SEMA6D: variants seen among roughly 807,000 people sequenced by gnomAD.
SEMA6D encodes the protein semaphorin 6D.
SEMA6D carries 35 observed loss-of-function variants against 106.6 expected under a neutral mutation model. The ratio of observed to expected loss-of-function variants is 0.33; its 90% confidence interval spans 0.25 to 0.44. SEMA6D has a LOEUF of 0.44. SEMA6D is among the 20% of genes least tolerant of loss of function. The pLI is 1.00. For missense variants in SEMA6D, 1,185 were observed against 1,345.9 expected (o/e 0.88, Z 1.87); for synonymous variants, 499 against 487.7 (o/e 1.02, Z -0.31).
chr15:47,772,013 CT>C lies in SEMA6D; in HGVS notation c.*232del, dbSNP rs2082650607. Reference sequence around the variant, plus strand: ...AAGGAAGGTGCTGGTCATTCCATTTCTTTTGTTTGAAGCTAAAGAGATGTGT... The same window carrying C: ...AAGGAAGGTGCTGGTCATTCCATTTCTTTGTTTGAAGCTAAAGAGATGTGT... On this transcript the variant is annotated 3_prime_UTR_variant, in exon 19 of 19. Transcript: ENST00000536845. 1 of 534,708 alleles carries C rather than the reference CT, an allele frequency of 1.9e-6. No homozygotes were observed. The highest frequency in any genetic ancestry group is 3.2e-5 in the Admixed American group (1 of 31,456). The allele number at this position is 534,708 out of a possible 1,614,324, so 33.1% of individuals were successfully genotyped here.
At chr15:47,292,294 T>G (rs2035621911) in intron 1 of SEMA6D, among the ~76,000 whole-genome samples, 1 of 152,128 alleles carries the variant, frequency 6.6e-6, no homozygotes, top group African/African-American at 2.4e-5. Flanking sequence ...AAAAGAAACC[T>G]GTAAATGTGA....
chr15:47,254,353 A>ATAT (rs1555411061), intron 1 of SEMA6D, among the ~76,000 whole-genome samples: 1 of 147,672 alleles, frequency 6.8e-6, no homozygotes, highest in Non-Finnish European at 1.5e-5. Context: ...ATATATATAT[A>ATAT]AATGATTGTG....
intron 2 of SEMA6D, among the ~76,000 whole-genome samples, chr15:47,460,793 C>T (rs749137435): frequency 4.4e-4 from 67 of 152,068 alleles, no homozygotes; most frequent in Non-Finnish European, 9.3e-4. Context: ...ATTTGGTAAA[C>T]GTTGCTTATA....
At chr15:47,581,368 C>G (rs2076251734) in intron 3 of SEMA6D, 1 of 493,866 alleles carries the variant, frequency 2.0e-6, no homozygotes, top group Non-Finnish European at 4.0e-6. Context: ...AACAAGCAAA[C>G]TGCCAAATAA....
intron 1 of SEMA6D, among the ~76,000 whole-genome samples, chr15:47,241,075 G>C (rs1186551317): frequency 6.6e-6 from 1 of 152,176 alleles, no homozygotes; most frequent in South Asian, 2.1e-4. Context: ...TAGCAAGGAA[G>C]GGACCGAGCT....
At chr15:47,557,817 T>A (rs1256869800) in intron 3 of SEMA6D, among the ~76,000 whole-genome samples, 1 of 152,178 alleles carries the variant, frequency 6.6e-6, no homozygotes, top group African/African-American at 2.4e-5. Context: ...CTGGTAACTC[T>A]GCTGTTAGAA....
intron 1 of SEMA6D, among the ~76,000 whole-genome samples, chr15:47,282,536 T>C (rs912438836): frequency 2.0e-5 from 3 of 152,158 alleles, no homozygotes; most frequent in African/African-American, 7.2e-5. Context: ...TATAAGTGTA[T>C]TTTGGTAAAT....
chr15:47,409,874 A>C (rs988892430), intron 1 of SEMA6D, among the ~76,000 whole-genome samples: 4 of 151,274 alleles, frequency 2.6e-5, no homozygotes, highest in Admixed American at 2.6e-4. Flanking sequence ...AAATTCATAA[A>C]ATTTGCAAAC....
At chr15:47,202,400 G>C (rs549520861) in intron 1 of SEMA6D, among the ~76,000 whole-genome samples, 16 of 152,118 alleles carry the variant, frequency 1.1e-4, no homozygotes, top group African/African-American at 3.6e-4. Flanking sequence ...TTTAACTGGT[G>C]TATGGCCTTC....
Position 47,746,659 on chromosome 15 carries a change from G to A in SEMA6D, c.-54-13086G>A, listed in dbSNP as rs1440952639. 2.0e-5 allele frequency among the ~76,000 whole-genome samples: 3 copies of A among 152,304 alleles called. No homozygotes were observed. In the Middle Eastern group the frequency reaches 0.01, roughly 518 times the overall value. On this transcript the variant is annotated intron_variant, in intron 1 of 18. Transcript: ENST00000536845. ...GACCCAGGCCCTAATATCCTGAACAGAAAGTCACATGCAGGCCATATGGCA... is the reference window on the plus strand; with the variant it reads ...GACCCAGGCCCTAATATCCTGAACAAAAAGTCACATGCAGGCCATATGGCA...
chr15:47,761,288 T>G, intron 5 of SEMA6D, 42 bp from the exon 6 acceptor site: 1 of 1,609,514 alleles, frequency 6.2e-7, no homozygotes, highest in South Asian at 1.1e-5. Flanking sequence ...AGTGCCAGCA[T>G]GTTCAAATGT....
intron 3 of SEMA6D, among the ~76,000 whole-genome samples, chr15:47,583,539 G>A (rs537253884): frequency 3.9e-5 from 6 of 152,260 alleles, no homozygotes; most frequent in Non-Finnish European, 7.4e-5. Context: ...CAGGAGCCAC[G>A]TATTTTATCA....
In SEMA6D at chr15:47,763,035, C is replaced by T. The variant is rs769775616; in HGVS notation, c.678C>T (p.Ala226=). Residue 226 remains alanine, a synonymous_variant, in exon 9 of 19, where the codon GCC becomes GCT. Transcript: ENST00000536845. ...TTTCAGAGCCACACTTTCTTCATGCCATAGAATATGGAAACTATGTCTATT... is the reference window on the plus strand; with the variant it reads ...TTTCAGAGCCACACTTTCTTCATGCTATAGAATATGGAAACTATGTCTATT... ...KWIKEPHFLH[A]IEYGNYVYFF... 6.2e-7 allele frequency: 1 copy of T among 1,610,632 alleles called. No individual in the cohort carries two copies. The highest frequency in any genetic ancestry group is 1.7e-5 in the Admixed American group (1 of 59,710).
chr15:47,627,420 C>T (rs988042039), intron 4 of SEMA6D, among the ~76,000 whole-genome samples: 5 of 152,098 alleles, frequency 3.3e-5, no homozygotes, highest in Non-Finnish European at 7.4e-5. Flanking sequence ...GGTTAAAATT[C>T]TAACCCTGCC....
At chr15:47,494,625 C>G (rs1486200928) in intron 3 of SEMA6D, among the ~76,000 whole-genome samples, 2 of 150,188 alleles carry the variant, frequency 1.3e-5, no homozygotes, top group African/African-American at 4.9e-5. Flanking sequence ...GCATGATGAA[C>G]AGTTGCTGAA....
At chr15:47,251,428 C>G (rs1445645679) in intron 1 of SEMA6D, among the ~76,000 whole-genome samples, 2 of 152,018 alleles carry the variant, frequency 1.3e-5, no homozygotes, top group East Asian at 1.9e-4. Context: ...TGACTGTGAT[C>G]CTTGTTCCCA....
chr15:47,434,477 T>G (rs967431974), intron 2 of SEMA6D, among the ~76,000 whole-genome samples: 7 of 152,114 alleles, frequency 4.6e-5, no homozygotes, highest in African/African-American at 1.7e-4. Flanking sequence ...TTCTCTCTTT[T>G]CTTGCTACAT....
chr15:47,688,555 A>G (rs2078519067), intron 4 of SEMA6D, among the ~76,000 whole-genome samples: 1 of 152,226 alleles, frequency 6.6e-6, no homozygotes, highest in African/African-American at 2.4e-5. Context: ...TTTATAGAGT[A>G]TGAAAAGATC....
chr15:47,474,794 G>C (rs2042958149), intron 3 of SEMA6D, among the ~76,000 whole-genome samples: 2 of 152,162 alleles, frequency 1.3e-5, no homozygotes, highest in Non-Finnish European at 2.9e-5. Context: ...AGGACACTGT[G>C]ACCAACTCTA....
Sources: gnomAD v4.1 joint callset for allele counts (sites outside exome capture counted in the v4.1 genomes callset) on GRCh38, gnomAD v4.1.1 for gene constraint, MANE v1.5 for transcripts, NCBI Gene and HGNC (gene_info 2026-07-23, HGNC 2026-07-21) for gene names.